Variants in RNF220 observed in about 807,000 individuals in gnomAD.
The protein encoded by RNF220 is ring finger protein 220.
RNF220 carries 7 observed loss-of-function variants against 67.1 expected under a neutral mutation model. The ratio of observed to expected loss-of-function variants is 0.10; its 90% CI spans 0.06 to 0.20. RNF220 has a LOEUF of 0.20. Ranked by LOEUF, RNF220 falls within the 10% of genes least tolerant of loss-of-function variation. The pLI is 1.00. For missense variants in RNF220, 565 were observed against 740.3 expected (o/e 0.76, Z 2.75); for synonymous variants, 270 against 283.2 (o/e 0.95, Z 0.47).
At chr1:44,500,643 C>G (rs1324352755) in intron 2 of RNF220, among the ~76,000 whole-genome samples, 1 of 152,216 alleles carries the variant, frequency 6.6e-6, no homozygotes, top group Non-Finnish European at 1.5e-5. Context: ...GACCTTTCCT[C>G]CCCAGCGGCT....
rs1666865030 is a variant in RNF220 at position 44,600,774 on chromosome 1, T to C, written c.626-13391T>C. 6.6e-6 allele frequency among the ~76,000 whole-genome samples: 1 copy of C among 151,598 alleles called. No homozygotes were observed. Among genetic ancestry groups the C allele is most frequent in the Non-Finnish European group, 1.5e-5 (1 of 67,968 alleles). On this transcript the variant is annotated intron_variant, in intron 2 of 14. Coordinates refer to ENST00000361799, the MANE Select transcript of RNF220 (RefSeq NM_018150.4). The surrounding 1 kb of genome is among the most constrained non-coding windows in gnomAD (Gnocchi z 4.0). ...AGGCAGAGGTTGCAGTGAGCTGAGATAGCGCCATTGCACTCCAGCCTGGGC... is the reference window on the plus strand; with the variant it reads ...AGGCAGAGGTTGCAGTGAGCTGAGACAGCGCCATTGCACTCCAGCCTGGGC...
intron 2 of RNF220, among the ~76,000 whole-genome samples, chr1:44,566,616 A>G (rs1664040728): frequency 6.6e-6 from 1 of 152,166 alleles, no homozygotes; most frequent in Non-Finnish European, 1.5e-5. Context: ...GTTTCTCCAG[A>G]CAAGTGGTAT....
At position 44,425,344 on chromosome 1, in the gene RNF220, A is replaced by G. The variant is rs545535597; in HGVS notation, c.625+12622A>G. Among the ~76,000 whole-genome samples, 8 of 152,264 alleles carry G rather than the reference A, an allele frequency of 5.3e-5. No homozygotes were observed. In the East Asian group the frequency reaches 1.4e-3, roughly 26 times the overall value. On this transcript the variant is annotated intron_variant, in intron 2 of 14. Transcript: ENST00000361799. ...CCCATGGGCCCATGTCTGTCTCCCTATGTGACTCCATCTAGCGTGTCCCCT... is the reference window on the plus strand; with the variant it reads ...CCCATGGGCCCATGTCTGTCTCCCTGTGTGACTCCATCTAGCGTGTCCCCT...
intron 2 of RNF220, among the ~76,000 whole-genome samples, chr1:44,509,577 T>TAAAAG (rs1658768991): frequency 7.3e-6 from 1 of 136,200 alleles, no homozygotes; most frequent in Non-Finnish European, 1.6e-5. Flanking sequence ...AATAAATAAA[T>TAAAAG]AAAAGAAAAG....
intron 2 of RNF220, among the ~76,000 whole-genome samples, chr1:44,488,734 T>C (rs866250279): frequency 6.6e-5 from 9 of 135,824 alleles, no homozygotes; most frequent in Non-Finnish European, 9.2e-5. Context: ...TTTCTTTTTT[T>C]TTTTTTTTTT....
intron 2 of RNF220, among the ~76,000 whole-genome samples, chr1:44,505,586 G>A (rs1169072848): frequency 2.6e-5 from 4 of 152,216 alleles, no homozygotes; most frequent in African/African-American, 7.2e-5. Flanking sequence ...GTCTTGTACC[G>A]TAAATAATGG....
At chr1:44,517,407 C>A (rs1185774508) in intron 2 of RNF220, among the ~76,000 whole-genome samples, 1 of 152,192 alleles carries the variant, frequency 6.6e-6, no homozygotes, top group Non-Finnish European at 1.5e-5. Flanking sequence ...AGCTTCAATG[C>A]CATTTCCTCA....
chr1:44,619,742 C>T (rs1643714559), intron 3 of RNF220, among the ~76,000 whole-genome samples: 1 of 152,102 alleles, frequency 6.6e-6, no homozygotes, highest in Non-Finnish European at 1.5e-5. Context: ...ATGGGCTGGG[C>T]GGGAGCCAGG....
intron 2 of RNF220, among the ~76,000 whole-genome samples, chr1:44,517,055 G>T (rs1659508371): frequency 6.6e-6 from 1 of 152,036 alleles, no homozygotes; most frequent in South Asian, 2.1e-4. Flanking sequence ...CAGCCCCTCA[G>T]TCTACCTCTA....
intron 2 of RNF220, among the ~76,000 whole-genome samples, chr1:44,550,261 C>G (rs546671759): frequency 6.6e-6 from 1 of 152,192 alleles, no homozygotes; most frequent in Non-Finnish European, 1.5e-5. Flanking sequence ...CGAGAAGAAG[C>G]CCAGATGACC....
chr1:44,577,873 A>G (rs892043467), intron 2 of RNF220, among the ~76,000 whole-genome samples: 33 of 147,680 alleles, frequency 2.2e-4, no homozygotes, highest in Middle Eastern at 3.5e-3. Flanking sequence ...GTCTCACCCT[A>G]TCCCCCAGGC....
chr1:44,563,762 T>C (rs1388427744), intron 2 of RNF220, among the ~76,000 whole-genome samples: 1 of 152,234 alleles, frequency 6.6e-6, no homozygotes, highest in Non-Finnish European at 1.5e-5. Context: ...AGATGATGAC[T>C]GTGAAGTGTC....
At chr1:44,564,751 C>CAAAA (rs34127522) in intron 2 of RNF220, among the ~76,000 whole-genome samples, 1 of 93,722 alleles carries the variant, frequency 1.1e-5, no homozygotes, top group African/African-American at 4.0e-5. Flanking sequence ...GACTCCATCT[C>CAAAA]AAAAAAAAAA....
chr1:44,448,635 AT>A (rs1470388924), intron 2 of RNF220, among the ~76,000 whole-genome samples: 3 of 152,200 alleles, frequency 2.0e-5, no homozygotes, highest in South Asian at 2.1e-4. Context: ...TTTCCTTGAG[AT>A]TTAGGAAACT....
intron 2 of RNF220, among the ~76,000 whole-genome samples, chr1:44,484,327 C>T (rs1026249089): frequency 6.6e-6 from 1 of 152,134 alleles, no homozygotes; most frequent in African/African-American, 2.4e-5. Flanking sequence ...CCTCCACCTA[C>T]GATCCAGTGA....
chr1:44,508,226 GGACCCCCT>G, intron 2 of RNF220, among the ~76,000 whole-genome samples: 1 of 152,098 alleles, frequency 6.6e-6, no homozygotes, highest in Middle Eastern at 3.4e-3. Context: ...GCCAGGCGGG[GGACCCCCT>G]CCTGGTGAAT....
intron 2 of RNF220, among the ~76,000 whole-genome samples, chr1:44,424,658 G>T (rs1649565052): frequency 6.6e-6 from 1 of 152,220 alleles, no homozygotes; most frequent in South Asian, 2.1e-4. Flanking sequence ...CCAGTCTCCT[G>T]TCTTGGGGAG....
intron 2 of RNF220, among the ~76,000 whole-genome samples, chr1:44,426,890 C>T (rs952783747): frequency 6.6e-6 from 1 of 152,146 alleles, no homozygotes; most frequent in African/African-American, 2.4e-5. Context: ...CTGTTCTCCT[C>T]CCATTTAGTC....
At chr1:44,555,273 G>T (rs572876652) in intron 2 of RNF220, among the ~76,000 whole-genome samples, 1 of 152,032 alleles carries the variant, frequency 6.6e-6, no homozygotes, top group Non-Finnish European at 1.5e-5. Flanking sequence ...TCACTTTGTT[G>T]TTCAGGAATG....
Sources: gnomAD v4.1 joint callset for allele counts (sites outside exome capture counted in the v4.1 genomes callset) on GRCh38, gnomAD v4.1.1 for gene constraint, Gnocchi (gnomAD v3.1) non-coding constraint, MANE v1.5 for transcripts, NCBI Gene and HGNC (gene_info 2026-07-23, HGNC 2026-07-21) for gene names.